The following IL1RAPL2 variants were observed in gnomAD, a reference collection of about 807,000 sequenced individuals.
IL1RAPL2 encodes the protein interleukin 1 receptor accessory protein like 2, also known as X-linked interleukin-1 receptor accessory protein-like 2.
Under a neutral mutation model 44.1 loss-of-function variants are expected in IL1RAPL2, and 3 were observed. The observed-to-expected ratio is 0.07, with a 90% confidence interval of 0.03 to 0.18. IL1RAPL2 has a LOEUF of 0.18. IL1RAPL2 is among the 10% of genes least tolerant of loss of function. The pLI is 1.00. For synonymous variants in IL1RAPL2, 181 were observed against 178.8 expected, an observed-to-expected ratio of 1.01 and a Z score of -0.10; for missense variants, 391 against 496.4, an observed-to-expected ratio of 0.79 and a Z score of 2.02.
intron 2 of IL1RAPL2, among the ~76,000 whole-genome samples, chrX:104,802,736 T>C (rs1253223603): frequency 8.9e-6 from 1 of 112,148 alleles, no homozygotes; most frequent in Non-Finnish European, 1.9e-5. Context: ...TGTATTTTAA[T>C]AATTTGTGAG....
At chrX:104,741,666 A>G (rs1428287262) in intron 2 of IL1RAPL2, among the ~76,000 whole-genome samples, 2 of 110,977 alleles carry the variant, frequency 1.8e-5, no homozygotes. Flanking sequence ...CATGTCAACC[A>G]GAGAGCAAAG....
intron 2 of IL1RAPL2, among the ~76,000 whole-genome samples, chrX:105,118,636 T>C (rs1040355204): frequency 1.8e-5 from 2 of 112,248 alleles, no homozygotes; most frequent in Non-Finnish European, 3.8e-5. Context: ...TATAAAAATC[T>C]AAAATCTCCA....
At chrX:105,104,085 G>C (rs969151422) in intron 2 of IL1RAPL2, among the ~76,000 whole-genome samples, 1 of 111,397 alleles carries the variant, frequency 9.0e-6, no homozygotes, top group African/African-American at 3.3e-5. Flanking sequence ...CTGAGCTTCA[G>C]GGCCTGTCTT....
intron 5 of IL1RAPL2, among the ~76,000 whole-genome samples, chrX:105,392,714 G>A (rs896237084): frequency 8.9e-6 from 1 of 111,749 alleles, no homozygotes; most frequent in African/African-American, 3.3e-5. Flanking sequence ...ATGGCAATGT[G>A]CAATATTCTC....
intron 2 of IL1RAPL2, among the ~76,000 whole-genome samples, chrX:105,122,349 A>C (rs1427371478): frequency 1.8e-5 from 2 of 111,779 alleles, no homozygotes; most frequent in Non-Finnish European, 3.8e-5. Flanking sequence ...TTGGAGGAAA[A>C]AAGGAAGAAA....
intron 2 of IL1RAPL2, among the ~76,000 whole-genome samples, chrX:104,833,900 T>A (rs1167033025): frequency 8.9e-6 from 1 of 112,172 alleles, no homozygotes; most frequent in Non-Finnish European, 1.9e-5. Context: ...TTTAGACTCT[T>A]TAATATTATA....
At chrX:104,896,144 A>G (rs1384089048) in intron 2 of IL1RAPL2, among the ~76,000 whole-genome samples, 4 of 111,653 alleles carry the variant, frequency 3.6e-5, no homozygotes, top group African/African-American at 1.3e-4. Flanking sequence ...CAACCTCTGG[A>G]GTTGGGCAAC....
chrX:105,491,283 A>G (rs967410896), intron 6 of IL1RAPL2, among the ~76,000 whole-genome samples: 1 of 111,483 alleles, frequency 9.0e-6, no homozygotes, highest in Non-Finnish European at 1.9e-5. Context: ...AGCCATAAAA[A>G]AGGATGAGTT....
chrX:104,934,620 A>G (rs765403304), intron 2 of IL1RAPL2, among the ~76,000 whole-genome samples: 7 of 111,536 alleles, frequency 6.3e-5, no homozygotes, highest in Non-Finnish European at 1.3e-4. Context: ...AAGTATTCCT[A>G]AGAAAGAAAT....
intron 5 of IL1RAPL2, among the ~76,000 whole-genome samples, chrX:105,328,608 G>A (rs1031914849): frequency 1.1e-4 from 12 of 111,651 alleles, no homozygotes; most frequent in Non-Finnish European, 2.1e-4. Flanking sequence ...TTTACCTGCA[G>A]CAAAACCCTA....
intron 2 of IL1RAPL2, among the ~76,000 whole-genome samples, chrX:104,671,036 T>C (rs914088270): frequency 9.0e-6 from 1 of 111,483 alleles, no homozygotes; most frequent in African/African-American, 3.3e-5. Flanking sequence ...TACAAGACCC[T>C]TAATTTATTC....
At chrX:105,339,190 G>C (rs1001148687) in intron 5 of IL1RAPL2, among the ~76,000 whole-genome samples, 2 of 112,125 alleles carry the variant, frequency 1.8e-5, no homozygotes, top group African/African-American at 6.5e-5. Context: ...TGTTGTGCTA[G>C]TATCTAGCCC....
chrX:104,608,913 T>C lies in IL1RAPL2; in HGVS notation c.-20+41862T>C, dbSNP rs187053206. Among the ~76,000 whole-genome samples, 35 of 111,642 alleles carry C rather than the reference T, an allele frequency of 3.1e-4. No individual in the cohort carries two copies. The Admixed American group carries it at 3.3e-3, about 11-fold the overall frequency. On this transcript the variant is annotated intron_variant, in intron 1 of 10. Transcript: ENST00000372582. ...GTCATTATGATGCTAGCTGGTTGTT[T>C]TGCCTGTTAGTTGATGCAGTTTCTT...
chrX:104,847,571 T>C (rs1292521797), intron 2 of IL1RAPL2, among the ~76,000 whole-genome samples: 1 of 111,949 alleles, frequency 8.9e-6, no homozygotes, highest in Non-Finnish European at 1.9e-5. Context: ...TTGGTACCAG[T>C]ACCATGCTGT....
At chrX:105,314,827 A>G (rs761604667) in intron 5 of IL1RAPL2, among the ~76,000 whole-genome samples, 2 of 111,689 alleles carry the variant, frequency 1.8e-5, no homozygotes, top group Non-Finnish European at 3.8e-5. Context: ...AATGTTTACA[A>G]CATTTCAGTG....
At chrX:105,491,977 G>A (rs775894907) in intron 6 of IL1RAPL2, among the ~76,000 whole-genome samples, 1 of 111,994 alleles carries the variant, frequency 8.9e-6, no homozygotes, top group African/African-American at 3.2e-5. Context: ...AGTCCTCTAT[G>A]CATACATTGG....
At position 104,738,785 on chromosome X, in the gene IL1RAPL2, A is replaced by T. The variant is rs6652389; in HGVS notation, c.82+79790A>T. 9.7e-3 allele frequency among the ~76,000 whole-genome samples: 1,071 copies of T among 110,955 alleles called. 8 individuals are homozygous for T. Among genetic ancestry groups the T allele is most frequent in the African/African-American group, 0.032 (976 of 30,492 alleles). ...TGAGACCCTACCTCTACAAAAAATT[A>T]AAAAATTAGCCAGATGTGGTGGCAC... On this transcript the variant is annotated intron_variant, in intron 2 of 10. Coordinates refer to ENST00000372582, the MANE Select transcript of IL1RAPL2 (RefSeq NM_017416.2).
intron 2 of IL1RAPL2, among the ~76,000 whole-genome samples, chrX:105,029,717 T>C (rs2031448180): frequency 9.0e-6 from 1 of 110,759 alleles, no homozygotes; most frequent in South Asian, 3.9e-4. Flanking sequence ...AACATACGTG[T>C]GCATGTATCT....
chrX:105,462,461 C>G lies in IL1RAPL2; in HGVS notation c.698-21852C>G, dbSNP rs368148710. 9.0e-5 allele frequency among the ~76,000 whole-genome samples: 10 copies of G among 111,199 alleles called. No individual in the cohort carries two copies. The East Asian group carries it at 2.3e-3, about 25-fold the overall frequency. On this transcript the variant is annotated intron_variant, in intron 5 of 10. Coordinates refer to ENST00000372582, the MANE Select transcript of IL1RAPL2 (RefSeq NM_017416.2). Reference sequence around the variant, plus strand: ...GGAATGCTTGGAATTTATATATAAACAGCATTGTGTTTTGGCCTTATTTAT... The same window carrying G: ...GGAATGCTTGGAATTTATATATAAAGAGCATTGTGTTTTGGCCTTATTTAT...
Sources: gnomAD v4.1 joint callset for allele counts (sites outside exome capture counted in the v4.1 genomes callset) on GRCh38, gnomAD v4.1.1 for gene constraint, MANE v1.5 for transcripts, NCBI Gene and HGNC (gene_info 2026-07-23, HGNC 2026-07-21) for gene names.